Variants in GTF2IRD1 observed in about 807,000 individuals in gnomAD.
GTF2IRD1 encodes GTF2I repeat domain containing 1.
GTF2IRD1 carries 26 observed loss-of-function variants against 113.2 expected under a neutral mutation model. That is an observed-to-expected ratio of 0.23 (90% CI 0.17 to 0.32). The LOEUF is 0.32. Ranked by LOEUF, GTF2IRD1 falls within the 10% of genes least tolerant of loss-of-function variation. The pLI is 1.00. For missense variants in GTF2IRD1, 864 were observed against 1,280.8 expected, an observed-to-expected ratio of 0.67 and a Z score of 4.97; for synonymous variants, 484 against 529.1, an observed-to-expected ratio of 0.91 and a Z score of 1.17.
intron 22 of GTF2IRD1, among the ~76,000 whole-genome samples, chr7:74,571,564 C>T (rs587638656): frequency 6.6e-6 from 1 of 152,202 alleles, no homozygotes; most frequent in Non-Finnish European, 1.5e-5. Context: ...GGAACTATGT[C>T]AAATTACATG....
chr7:74,565,062 G>A (rs1554360283), intron 22 of GTF2IRD1, among the ~76,000 whole-genome samples: 1 of 910 alleles, frequency 1.1e-3, no homozygotes, highest in Non-Finnish European at 1.4e-3. Context: ...GGTTGCAGAG[G>A]GATGGGGGGG....
chr7:74,499,084 C>T lies in GTF2IRD1; in HGVS notation c.-6-8991C>T, dbSNP rs370816119. Among the ~76,000 whole-genome samples, 10 of 152,286 alleles carry T rather than the reference C, an allele frequency of 6.6e-5. No homozygotes were observed. In the East Asian group the frequency reaches 1.9e-3, roughly 29 times the overall value. ...GCCCTGTGAGCTGGAGGAGGGCAGG[C>T]GGAGCCTGGCACAGAGCAGCCTCTT... On this transcript the variant is annotated intron_variant, in intron 1 of 26. Transcript: ENST00000424337.
chr7:74,461,455 G>A lies in GTF2IRD1; in HGVS notation c.-7+7279G>A, dbSNP rs192229633. Among the ~76,000 whole-genome samples the A allele has an allele frequency of 8.9e-4, 135 of 152,248 alleles. 2 individuals are homozygous for A. In the East Asian group the frequency reaches 0.022, roughly 25 times the overall value. ...CATCAAAGCAAGTCCGTATCTTTTC[G>A]TCTATCCATCTGTTGTTACGCCAGC... On this transcript the variant is annotated intron_variant, in intron 1 of 26. Transcript: ENST00000424337.
At chr7:74,521,367 T>A in intron 7 of GTF2IRD1, 70 bp downstream of exon 7, 1 of 907,140 alleles carries the variant, frequency 1.1e-6, no homozygotes, top group Non-Finnish European at 1.8e-6. Flanking sequence ...CTTATTGAAA[T>A]GGAAGTGTAT....
chr7:74,586,199 T>C (rs587675723), intron 22 of GTF2IRD1, among the ~76,000 whole-genome samples: 1 of 152,252 alleles, frequency 6.6e-6, no homozygotes, highest in East Asian at 1.9e-4. Flanking sequence ...ACAGATGGAA[T>C]GTGCTGTTGC....
intron 1 of GTF2IRD1, among the ~76,000 whole-genome samples, chr7:74,466,154 G>A (rs782680589): frequency 1.2e-4 from 19 of 152,210 alleles, no homozygotes; most frequent in Non-Finnish European, 2.4e-4. Flanking sequence ...CGACCCCTTA[G>A]CCCCTCAAGG....
At chr7:74,476,982 G>A (rs1794451917) in intron 1 of GTF2IRD1, among the ~76,000 whole-genome samples, 1 of 152,178 alleles carries the variant, frequency 6.6e-6, no homozygotes, top group African/African-American at 2.4e-5. Flanking sequence ...TGAGGATGTG[G>A]GTAGGCCCAA....
intron 1 of GTF2IRD1, among the ~76,000 whole-genome samples, chr7:74,494,848 C>A (rs1795566391): frequency 2.0e-5 from 3 of 152,172 alleles, no homozygotes; most frequent in Admixed American, 2.0e-4. Flanking sequence ...ACTTCCTGGG[C>A]TCAAGTGGTC....
chr7:74,490,864 CT>C, intron 1 of GTF2IRD1, among the ~76,000 whole-genome samples: 1 of 152,210 alleles, frequency 6.6e-6, no homozygotes, highest in East Asian at 1.9e-4. Flanking sequence ...CAGGCCTGAG[CT>C]TTGCAGAGGT....
intron 7 of GTF2IRD1, among the ~76,000 whole-genome samples, chr7:74,521,515 ACTTTGGGAGG>A (rs1400017204): frequency 6.6e-6 from 1 of 152,120 alleles, no homozygotes; most frequent in Non-Finnish European, 1.5e-5. Context: ...TAATCCCAGC[ACTTTGGGAGG>A]CTGAGGCAGG....
intron 11 of GTF2IRD1, 130 bp downstream of exon 11, chr7:74,536,405 C>T (rs966134292): frequency 3.4e-6 from 2 of 596,638 alleles, no homozygotes; most frequent in Non-Finnish European, 6.0e-6. Context: ...AAAGGGAGGG[C>T]AAGGGAAAAC....
chr7:74,555,422 C>A lies in GTF2IRD1; in HGVS notation c.1967-16C>A. 1 of 1,613,786 alleles carries A rather than the reference C, an allele frequency of 6.2e-7. No homozygotes were observed. ...TGCCTCCTCACTTGGCTTCTCTCCC[C>A]CTGCCCTGCCCCCAGAGAGGGATTC... On this transcript the variant is annotated splice_polypyrimidine_tract_variant and intron_variant, in intron 18 of 26. Coordinates refer to ENST00000424337, the MANE Select transcript of GTF2IRD1 (RefSeq NM_005685.4). This position sits in a 1 kb window ranked among gnomAD's most constrained non-coding sequence, Gnocchi z 5.3.
chr7:74,531,356 G>C (rs1276142869), intron 9 of GTF2IRD1, among the ~76,000 whole-genome samples: 1 of 152,200 alleles, frequency 6.6e-6, no homozygotes, highest in Non-Finnish European at 1.5e-5. Context: ...GGGTGACAGC[G>C]AGAATCCATC....
intron 22 of GTF2IRD1, among the ~76,000 whole-genome samples, chr7:74,570,362 C>CAA (rs1174785376): frequency 7.8e-5 from 7 of 90,200 alleles, no homozygotes; most frequent in Middle Eastern, 7.7e-3. Context: ...GACTCTGTCT[C>CAA]AAAAAAAAAA....
chr7:74,546,307 C>T (rs1398074791), intron 16 of GTF2IRD1, among the ~76,000 whole-genome samples: 1 of 149,604 alleles, frequency 6.7e-6, no homozygotes, highest in Non-Finnish European at 1.5e-5. Context: ...CTGCAACCTG[C>T]GCTTCCTGGG....
intron 22 of GTF2IRD1, among the ~76,000 whole-genome samples, chr7:74,586,328 G>A (rs769932229): frequency 1.5e-4 from 23 of 152,128 alleles, no homozygotes; most frequent in Non-Finnish European, 3.1e-4. Flanking sequence ...AGGAAGGCCC[G>A]TGTTGGGTCA....
chr7:74,527,884 T>C (rs1189044628), intron 8 of GTF2IRD1, among the ~76,000 whole-genome samples: 1 of 151,848 alleles, frequency 6.6e-6, no homozygotes, highest in East Asian at 1.9e-4. Flanking sequence ...TGAAAACGTG[T>C]AGCTGGGGTC....
chr7:74,586,354 GTTC>G (rs1301756494), intron 22 of GTF2IRD1, among the ~76,000 whole-genome samples: 2 of 152,154 alleles, frequency 1.3e-5, no homozygotes, highest in African/African-American at 2.4e-5. Flanking sequence ...GAAGACGAGG[GTTC>G]TAGGGGATGT....
chr7:74,602,591 GA>G lies in GTF2IRD1; in HGVS notation c.*172del, dbSNP rs56797334. The G allele has an allele frequency of 0.58, 215,885 of 370,572 alleles. 44,408 individuals are homozygous for G. Among genetic ancestry groups the G allele is most frequent in the African/African-American group, 0.7 (32,233 of 46,040 alleles). The allele number at this position is 370,572 out of a possible 1,614,324, so 23.0% of individuals were successfully genotyped here. A position where few individuals can be genotyped will look rare whatever the true frequency, so the allele number is the denominator to read the frequency against. On this transcript the variant is annotated 3_prime_UTR_variant, in exon 27 of 27. Transcript: ENST00000424337. ...AGGCCTTTTTAAATAAGTAAAAAAA[GA>G]AAAAAAAAAAAAAGAGTGTTGCCTT...
Sources: gnomAD v4.1 joint callset for allele counts (sites outside exome capture counted in the v4.1 genomes callset) on GRCh38, gnomAD v4.1.1 for gene constraint, Gnocchi (gnomAD v3.1) non-coding constraint, MANE v1.5 for transcripts, NCBI Gene and HGNC (gene_info 2026-07-23, HGNC 2026-07-21) for gene names.